The following HTR1F variants were observed in gnomAD, a reference collection of about 807,000 sequenced individuals.
HTR1F encodes 5-hydroxytryptamine receptor 1F, also known as 5-hydroxytryptamine (serotonin) receptor 1F, G protein-coupled.
In HTR1F, 17 loss-of-function variants were observed where a neutral mutation model predicts 24.0. That is an observed-to-expected ratio of 0.71 (90% CI 0.48 to 1.06). HTR1F has a LOEUF of 1.06. HTR1F is among the 50% of genes least tolerant of loss of function. HTR1F has a pLI of 0.00. For synonymous variants in HTR1F, 186 were observed against 156.8 expected, an observed-to-expected ratio of 1.19 and a Z score of -1.39; for missense variants, 391 against 427.8, an observed-to-expected ratio of 0.91 and a Z score of 0.76.
intron 1 of HTR1F, among the ~76,000 whole-genome samples, chr3:87,808,781 G>A (rs1704114026): frequency 6.6e-6 from 1 of 151,832 alleles, no homozygotes; most frequent in Admixed American, 6.6e-5. Context: ...TGCTTTTGCT[G>A]TATCCCATAG....
chr3:87,797,928 T>C (rs1242305000), intron 1 of HTR1F, among the ~76,000 whole-genome samples: 1 of 152,150 alleles, frequency 6.6e-6, no homozygotes. Context: ...ATGGCATGAC[T>C]GGTGCTAGTA....
intron 2 of HTR1F, among the ~76,000 whole-genome samples, chr3:87,861,884 A>G (rs963378060): frequency 3.9e-5 from 6 of 152,152 alleles, no homozygotes; most frequent in Non-Finnish European, 8.8e-5. Flanking sequence ...TACAATTAAT[A>G]TTATACCACT....
intron 2 of HTR1F, among the ~76,000 whole-genome samples, chr3:87,859,779 A>G (rs561015804): frequency 2.0e-5 from 3 of 152,190 alleles, no homozygotes; most frequent in African/African-American, 7.2e-5. Context: ...TGTCTTGATG[A>G]AAGCCAATAA....
chr3:87,835,097 T>C (rs1223503346), intron 2 of HTR1F, among the ~76,000 whole-genome samples: 1 of 152,194 alleles, frequency 6.6e-6, no homozygotes, highest in Non-Finnish European at 1.5e-5. Context: ...CGTACTTTTC[T>C]AAGCCTAGAA....
At chr3:87,986,367 T>C (rs184153066) in intron 2 of HTR1F, among the ~76,000 whole-genome samples, 2 of 152,324 alleles carry the variant, frequency 1.3e-5, no homozygotes, top group Non-Finnish European at 2.9e-5. Context: ...TAGCAGAAGA[T>C]TAATTACAGT....
chr3:87,874,669 A>T (rs1177129880), intron 2 of HTR1F, among the ~76,000 whole-genome samples: 1 of 152,084 alleles, frequency 6.6e-6, no homozygotes, highest in Non-Finnish European at 1.5e-5. Context: ...ATGGAATCTC[A>T]AAGGACACCA....
intron 2 of HTR1F, among the ~76,000 whole-genome samples, chr3:87,880,431 T>C (rs1559616663): frequency 6.6e-6 from 1 of 152,132 alleles, no homozygotes. Context: ...AAAATCTAAA[T>C]TGAATAAAGG....
chr3:87,871,059 G>A (rs182595034), intron 2 of HTR1F, among the ~76,000 whole-genome samples: 294 of 149,208 alleles, frequency 2.0e-3, no homozygotes, highest in Admixed American at 3.4e-3. Flanking sequence ...TAAATATTCA[G>A]AAACCAGCAC....
chr3:87,854,437 C>T (rs1056441764), intron 2 of HTR1F, among the ~76,000 whole-genome samples: 1 of 151,498 alleles, frequency 6.6e-6, no homozygotes, highest in African/African-American at 2.4e-5. Context: ...TATCTTTATT[C>T]CTAATACTTA....
intron 2 of HTR1F, among the ~76,000 whole-genome samples, chr3:87,841,068 G>T (rs1444140860): frequency 2.0e-5 from 3 of 151,912 alleles, no homozygotes; most frequent in Non-Finnish European, 4.4e-5. Context: ...TTAAAGAAAG[G>T]ATTTTAAATA....
At position 87,894,360 on chromosome 3, in the gene HTR1F, C is replaced by A. The variant is rs558020559; in HGVS notation, c.-43+72236C>A. On this transcript the variant is annotated intron_variant, in intron 2 of 2. Transcript: ENST00000319595. ...CAACCTCTGCCTACAGGATTCAAGC[C>A]ATTCTCAAGCCTCAGCCTCCCGAGT... is the stretch of plus-strand genomic sequence containing the variant. 5.3e-4 allele frequency among the ~76,000 whole-genome samples: 80 copies of A among 151,752 alleles called. 1 individual carries two copies. The highest frequency in any genetic ancestry group is 1.8e-3 in the African/African-American group (74 of 41,408).
At chr3:87,978,039 G>A (rs1373371865) in intron 2 of HTR1F, among the ~76,000 whole-genome samples, 1 of 152,180 alleles carries the variant, frequency 6.6e-6, no homozygotes, top group Non-Finnish European at 1.5e-5. Flanking sequence ...TCCAGCCATT[G>A]CACACAGCCA....
At chr3:87,877,502 AG>A (rs1223709435) in intron 2 of HTR1F, among the ~76,000 whole-genome samples, 2 of 152,162 alleles carry the variant, frequency 1.3e-5, no homozygotes, top group African/African-American at 2.4e-5. Context: ...TTTATGTAAA[AG>A]TTAATGATGA....
Position 87,854,847 on chromosome 3 carries a change from A to ACT in HTR1F, c.-43+32724_-43+32725dup, listed in dbSNP as rs1705164526. Reference sequence around the variant, plus strand: ...CTCGTCTTGACATTCATATCTATTAACTTTTTGTTCAAAAATTATGTTTGT... The same window carrying ACT: ...CTCGTCTTGACATTCATATCTATTAACTCTTTTTGTTCAAAAATTATGTTTGT... On this transcript the variant is annotated intron_variant, in intron 2 of 2. Transcript: ENST00000319595. Among the ~76,000 whole-genome samples, 6 of 151,972 alleles carry ACT rather than the reference A, an allele frequency of 3.9e-5. No homozygotes were observed. In the South Asian group the frequency reaches 1.2e-3, roughly 32 times the overall value.
chr3:87,901,502 G>A (rs1471530917), intron 2 of HTR1F, among the ~76,000 whole-genome samples: 1 of 152,074 alleles, frequency 6.6e-6, no homozygotes, highest in African/African-American at 2.4e-5. Flanking sequence ...CATTTCTGTT[G>A]TACAAGCCAC....
At chr3:87,821,036 A>G (rs1704349889) in intron 1 of HTR1F, among the ~76,000 whole-genome samples, 1 of 152,218 alleles carries the variant, frequency 6.6e-6, no homozygotes, top group Admixed American at 6.5e-5. Context: ...CAATGAATAA[A>G]CCAACCCTTT....
chr3:87,824,814 T>C (rs1429650179), intron 2 of HTR1F, among the ~76,000 whole-genome samples: 1 of 152,188 alleles, frequency 6.6e-6, no homozygotes, highest in Non-Finnish European at 1.5e-5. Flanking sequence ...TTCAAATAAA[T>C]AATAAAATTC....
At position 87,888,013 on chromosome 3, in the gene HTR1F, C is replaced by T. The variant is rs145124694; in HGVS notation, c.-43+65889C>T. ...TAAATCAGGCTACTATAAAGACACG[C>T]ACACATGTATGTTTACTGTGGCACT... On this transcript the variant is annotated intron_variant, in intron 2 of 2. Coordinates refer to ENST00000319595, the MANE Select transcript of HTR1F (RefSeq NM_001322209.2). 6.4e-3 allele frequency among the ~76,000 whole-genome samples: 980 copies of T among 152,234 alleles called. 15 individuals carry two copies. The highest frequency in any genetic ancestry group is 0.022 in the African/African-American group (910 of 41,546).
At chr3:87,914,525 G>A (rs1183879278) in intron 2 of HTR1F, among the ~76,000 whole-genome samples, 2 of 152,028 alleles carry the variant, frequency 1.3e-5, no homozygotes, top group African/African-American at 4.8e-5. Flanking sequence ...GGTCAGACCA[G>A]CCTTTCTGAT....
Sources: gnomAD v4.1 joint callset for allele counts (sites outside exome capture counted in the v4.1 genomes callset) on GRCh38, gnomAD v4.1.1 for gene constraint, MANE v1.5 for transcripts, NCBI Gene and HGNC (gene_info 2026-07-23, HGNC 2026-07-21) for gene names.